Variants in VPS37A observed in about 807,000 individuals in gnomAD.
VPS37A encodes vacuolar protein sorting-associated protein 37A.
In VPS37A, 30 loss-of-function variants were observed where a neutral mutation model predicts 49.8. That is an observed-to-expected ratio of 0.60 (90% confidence interval 0.45 to 0.82). VPS37A has a LOEUF of 0.82. Ranked by LOEUF, VPS37A falls within the 40% of genes least tolerant of loss-of-function variation. The pLI is 0.00. For synonymous variants in VPS37A, 195 were observed against 160.6 expected, an observed-to-expected ratio of 1.21 and a Z score of -1.62; for missense variants, 593 against 464.4, an observed-to-expected ratio of 1.28 and a Z score of -2.55.
chr8:17,300,360 A>C (rs1012581780), downstream of VPS37A: 20 of 963,640 alleles, frequency 2.1e-5, no homozygotes, highest in Non-Finnish European at 2.8e-5. Context: ...ATGTGAGTTC[A>C]AACCTGGACT....
At chr8:17,306,938 A>G (rs1817492678), downstream of VPS37A, among the ~76,000 whole-genome samples, 1 of 152,146 alleles carries the variant, frequency 6.6e-6, no homozygotes, top group Non-Finnish European at 1.5e-5. Context: ...AAAAAACCCT[A>G]GAAGAAAACC....
intron 2 of VPS37A, among the ~76,000 whole-genome samples, chr8:17,266,862 T>C (rs1027466316): frequency 6.6e-6 from 1 of 152,090 alleles, no homozygotes; most frequent in Non-Finnish European, 1.5e-5. Context: ...AACCTCCGCC[T>C]CCCGGGTTCA....
At chr8:17,328,334 G>C in the VPS37A span, among the ~76,000 whole-genome samples, 141 of 152,260 alleles carry the variant, frequency 9.3e-4, no homozygotes, top group Middle Eastern at 3.4e-3. Context: ...CACCCAGGAT[G>C]CCTAAGAGGT....
At chr8:17,330,379 T>C in the VPS37A span, among the ~76,000 whole-genome samples, 1 of 152,204 alleles carries the variant, frequency 6.6e-6, no homozygotes, top group African/African-American at 2.4e-5. Flanking sequence ...CACAAGGCCA[T>C]GGTTTCTGCA....
chr8:17,317,258 G>C, the VPS37A span, among the ~76,000 whole-genome samples: 1 of 152,170 alleles, frequency 6.6e-6, no homozygotes, highest in Non-Finnish European at 1.5e-5. Flanking sequence ...GCCGTGTGCC[G>C]TGTGCATGGG....
intron 1 of VPS37A, among the ~76,000 whole-genome samples, chr8:17,251,174 C>T (rs1811940561): frequency 6.6e-6 from 1 of 152,172 alleles, no homozygotes; most frequent in South Asian, 2.1e-4. Flanking sequence ...ATGGTCTCAT[C>T]ACCCTTCCCC....
At chr8:17,331,642 T>C in the VPS37A span, among the ~76,000 whole-genome samples, 1 of 152,180 alleles carries the variant, frequency 6.6e-6, no homozygotes, top group Non-Finnish European at 1.5e-5. Flanking sequence ...AACCGGTAGG[T>C]TGGCAGAAGA....
chr8:17,275,016 AC>A (rs1224213482), intron 5 of VPS37A, 58 bp downstream of exon 5: 1 of 1,461,728 alleles, frequency 6.8e-7, no homozygotes, highest in African/African-American at 1.4e-5. Flanking sequence ...CAATCCACAC[AC>A]CTTTATTACA....
At chr8:17,310,491 G>A in the VPS37A span, among the ~76,000 whole-genome samples, 5 of 152,284 alleles carry the variant, frequency 3.3e-5, no homozygotes, top group South Asian at 2.1e-4. Context: ...TGATGGAAAC[G>A]CATGTGTGCA....
chr8:17,282,432 A>G (rs1001545249), intron 9 of VPS37A, among the ~76,000 whole-genome samples: 4 of 152,108 alleles, frequency 2.6e-5, no homozygotes, highest in Non-Finnish European at 4.4e-5. Context: ...TTATGGTGGG[A>G]AAAGCCTTTC....
At chr8:17,293,478 C>A (rs554685870) in intron 11 of VPS37A, among the ~76,000 whole-genome samples, 21 of 152,114 alleles carry the variant, frequency 1.4e-4, no homozygotes, top group Non-Finnish European at 2.6e-4. Context: ...AACTCATTCT[C>A]AGTCCAGTTT....
At chr8:17,293,780 G>A (rs1174337639) in intron 11 of VPS37A, among the ~76,000 whole-genome samples, 1 of 152,212 alleles carries the variant, frequency 6.6e-6, no homozygotes, top group Admixed American at 6.5e-5. Context: ...CACCAGCGGA[G>A]GCTGCAGAAC....
At chr8:17,271,222 T>G (rs1383478131) in intron 4 of VPS37A, among the ~76,000 whole-genome samples, 2 of 152,236 alleles carry the variant, frequency 1.3e-5, no homozygotes, top group Admixed American at 1.3e-4. Context: ...GCCTGCTTCC[T>G]GCCTGTAGAA....
chr8:17,272,000 G>C (rs560957268), intron 4 of VPS37A: 4 of 456,694 alleles, frequency 8.8e-6, no homozygotes, highest in Non-Finnish European at 1.8e-5. Flanking sequence ...CAGCCAGCTA[G>C]AAATCAGGTG....
chr8:17,320,185 C>T, the VPS37A span, among the ~76,000 whole-genome samples: 1 of 151,744 alleles, frequency 6.6e-6, no homozygotes, highest in Non-Finnish European at 1.5e-5. Flanking sequence ...TTAATGTGGC[C>T]ACCAGAAAGT....
chr8:17,267,964 G>C (rs1813623527), intron 2 of VPS37A, among the ~76,000 whole-genome samples: 1 of 152,188 alleles, frequency 6.6e-6, no homozygotes, highest in Non-Finnish European at 1.5e-5. Context: ...ATTTTGTATA[G>C]CTTGGTATAT....
intron 1 of VPS37A, among the ~76,000 whole-genome samples, chr8:17,257,241 T>C (rs1812548630): frequency 6.6e-6 from 1 of 152,200 alleles, no homozygotes; most frequent in African/African-American, 2.4e-5. Flanking sequence ...CTGTAAATTA[T>C]ATTTGGGTTC....
chr8:17,295,440 T>G lies in VPS37A; in HGVS notation c.*454T>G, dbSNP rs1816548847. 1 of 152,616 alleles carries G rather than the reference T, an allele frequency of 6.6e-6. No homozygotes were observed. Among genetic ancestry groups the G allele is most frequent in the South Asian group, 2.1e-4 (1 of 4,836 alleles). The allele number at this position is 152,616 out of a possible 1,614,324, so 9.5% of individuals were successfully genotyped here. A position where few individuals can be genotyped will look rare whatever the true frequency, so the allele number is the denominator to read the frequency against. ...GGAAACCCTTATTTTTCTTTCTTTGTGGATAAAACTTTCAAAAGCAATTTA... is the reference window on the plus strand; with the variant it reads ...GGAAACCCTTATTTTTCTTTCTTTGGGGATAAAACTTTCAAAAGCAATTTA... On this transcript the variant is annotated 3_prime_UTR_variant, in exon 12 of 12. Coordinates refer to ENST00000324849, the MANE Select transcript of VPS37A (RefSeq NM_152415.3).
chr8:17,331,326 G>A, the VPS37A span: 1 of 1,536,902 alleles, frequency 6.5e-7, no homozygotes, highest in Non-Finnish European at 8.7e-7. Context: ...TTACATTGAT[G>A]AAACAATGAT....
Sources: gnomAD v4.1 joint callset for allele counts (sites outside exome capture counted in the v4.1 genomes callset) on GRCh38, gnomAD v4.1.1 for gene constraint, MANE v1.5 for transcripts, NCBI Gene and HGNC (gene_info 2026-07-23, HGNC 2026-07-21) for gene names.